The following TNRC6A variants were observed in gnomAD, a reference collection of about 807,000 sequenced individuals.
The protein encoded by TNRC6A is trinucleotide repeat-containing gene 6A protein.
A neutral mutation model predicts 221.2 loss-of-function variants in TNRC6A; 44 were observed. The ratio of observed to expected loss-of-function variants is 0.20; its 90% confidence interval spans 0.16 to 0.26. The LOEUF (loss-of-function observed/expected upper bound fraction) is 0.26. Among genes scored for constraint, TNRC6A ranks in the 10% least tolerant of loss-of-function variants. TNRC6A has a pLI of 1.00. For missense variants in TNRC6A, 2,199 were observed against 2,404.4 expected (o/e 0.91, Z 1.79); for synonymous variants, 847 against 838.5 (o/e 1.01, Z -0.18).
At chr16:24,792,325 C>T (rs2058120242) in intron 6 of TNRC6A, among the ~76,000 whole-genome samples, 1 of 152,024 alleles carries the variant, frequency 6.6e-6, no homozygotes, top group Non-Finnish European at 1.5e-5. Flanking sequence ...TCCTTACTTT[C>T]CTCTCTAATA....
intron 1 of TNRC6A, among the ~76,000 whole-genome samples, chr16:24,619,707 C>T (rs981341423): frequency 2.0e-5 from 3 of 152,070 alleles, no homozygotes; most frequent in Admixed American, 1.3e-4. Flanking sequence ...AGGAGAGGAA[C>T]GTCAGAGAAT....
At chr16:24,697,875 A>C (rs1005542509) in intron 2 of TNRC6A, among the ~76,000 whole-genome samples, 2 of 152,012 alleles carry the variant, frequency 1.3e-5, no homozygotes, top group African/African-American at 2.4e-5. Flanking sequence ...CCCTGTCTCT[A>C]TTAAAAATAC....
chr16:24,791,670 G>A lies in TNRC6A; in HGVS notation c.3028G>A (p.Asp1010Asn). 1 of 1,613,716 alleles carries A rather than the reference G, an allele frequency of 6.2e-7. No homozygotes were observed. The highest frequency in any genetic ancestry group is 8.5e-7 in the Non-Finnish European group (1 of 1,179,914). ...TGATGATGGAACTTCAGCTTGGGGA[G>A]ATCCAAGCAAATACAACTACAAAAA... Reference protein sequence around the residue: ...EIDDGTSAWGDPSKYNYKNVN... With the variant: ...EIDDGTSAWGNPSKYNYKNVN... The change falls in exon 6 of 25, where the codon GAT (aspartate) becomes AAT (asparagine). Residue 1010 changes from aspartate to asparagine, a missense_variant. Around this residue, in one of 8 missense-constraint regions of TNRC6A, gnomAD observed 1,405 missense variants for 1,400.2 expected, o/e 1.00. Transcript: ENST00000395799.
chr16:24,729,688 C>CGGCGGCGGCGGT lies in TNRC6A; in HGVS notation c.-143_-142insTGGCGGCGGCGG, dbSNP rs1567395409. 4.2e-6 allele frequency: 2 copies of CGGCGGCGGCGGT among 478,786 alleles called. No individual in the cohort carries two copies. Among genetic ancestry groups the CGGCGGCGGCGGT allele is most frequent in the Non-Finnish European group, 5.3e-6 (2 of 378,988 alleles). 29.7% of individuals were successfully genotyped at this position (478,786 alleles called of 1,614,324 possible). A position where few individuals can be genotyped will look rare whatever the true frequency, so the allele number is the denominator to read the frequency against. On this transcript the variant is annotated 5_prime_UTR_variant, in exon 1 of 25. Transcript: ENST00000395799. ...GGGCCTGCGGCGGCGGCGGTGTCGG[C>CGGCGGCGGCGGT]GGCGGCGGCGGCGGCGGCGGCGGCG...
At position 24,729,684 on chromosome 16, in the gene TNRC6A, T is replaced by TCGGTGTCGTCGGCGG; in HGVS notation, c.-155_-154insTGTCGTCGGCGGCGG. On this transcript the variant is annotated 5_prime_UTR_variant, in exon 1 of 25. Coordinates refer to ENST00000395799, the MANE Select transcript of TNRC6A (RefSeq NM_014494.4). ...TCTGGGGCCTGCGGCGGCGGCGGTG[T>TCGGTGTCGTCGGCGG]CGGCGGCGGCGGCGGCGGCGGCGGC... The TCGGTGTCGTCGGCGG allele has an allele frequency of 1.6e-6, 1 of 629,590 alleles. No homozygotes were observed. Among genetic ancestry groups the TCGGTGTCGTCGGCGG allele is most frequent in the Non-Finnish European group, 2.3e-6 (1 of 441,134 alleles). 39.0% of individuals were successfully genotyped at this position (629,590 alleles called of 1,614,324 possible).
upstream of TNRC6A, among the ~76,000 whole-genome samples, chr16:24,726,454 G>GGGA (rs1297919322): frequency 3.1e-4 from 47 of 152,144 alleles, 1 homozygote; most frequent in East Asian, 9.1e-3. Flanking sequence ...TTAAGAAGGA[G>GGGA]GGAGAGTTAG....
chr16:24,654,796 T>A (rs1014224876), intron 2 of TNRC6A, among the ~76,000 whole-genome samples: 1 of 152,056 alleles, frequency 6.6e-6, no homozygotes, highest in Non-Finnish European at 1.5e-5. Context: ...TAAAGTAAAT[T>A]TCAGTAATTT....
intron 18 of TNRC6A, among the ~76,000 whole-genome samples, chr16:24,810,695 A>G (rs569512418): frequency 3.3e-5 from 5 of 152,194 alleles, no homozygotes; most frequent in African/African-American, 1.2e-4. Flanking sequence ...TGCAAATGAC[A>G]GAAAAGAGGT....
chr16:24,786,624 A>T (rs572727666), intron 5 of TNRC6A, among the ~76,000 whole-genome samples: 13 of 152,042 alleles, frequency 8.6e-5, no homozygotes, highest in Non-Finnish European at 1.5e-4. Context: ...AGTACAGAGT[A>T]CTTTTAATAA....
chr16:24,695,142 C>G lies in TNRC6A; in HGVS notation n.402+54133C>G, dbSNP rs112985843. Among the ~76,000 whole-genome samples the G allele has an allele frequency of 7.2e-5, 11 of 152,240 alleles. 1 individual carries two copies. The highest frequency in any genetic ancestry group is 2.4e-4 in the African/African-American group (10 of 41,552). ...TCACGAGCACCATCTCATTTAACCC[C>G]ATAATAAAGGCATTTCTGTTTTCCT... On this transcript the variant is annotated intron_variant and non_coding_transcript_variant, in intron 2 of 2. Coordinates refer to the TNRC6A transcript ENST00000566108.
At chr16:24,794,854 T>A in intron 8 of TNRC6A, 135 bp downstream of exon 8, 1 of 656,680 alleles carries the variant, frequency 1.5e-6, no homozygotes, top group Non-Finnish European at 2.4e-6. Flanking sequence ...TATAGCCACT[T>A]GTATGGGCAG....
intron 2 of TNRC6A, among the ~76,000 whole-genome samples, chr16:24,646,082 G>A (rs1286924504): frequency 6.6e-6 from 1 of 151,928 alleles, no homozygotes; most frequent in Non-Finnish European, 1.5e-5. Flanking sequence ...CTATTGATTT[G>A]TATTATGAAA....
upstream of TNRC6A, among the ~76,000 whole-genome samples, chr16:24,726,034 G>A (rs1488571527): frequency 1.3e-5 from 2 of 151,590 alleles, no homozygotes; most frequent in Non-Finnish European, 2.9e-5. Flanking sequence ...TGCCTTGCTA[G>A]ACTTCATCCA....
At chr16:24,670,649 C>T (rs1567342222) in intron 2 of TNRC6A, among the ~76,000 whole-genome samples, 1 of 152,160 alleles carries the variant, frequency 6.6e-6, no homozygotes, top group Non-Finnish European at 1.5e-5. Flanking sequence ...CACCTGTGCC[C>T]TGCCCAGCCT....
intron 2 of TNRC6A, among the ~76,000 whole-genome samples, chr16:24,643,963 C>A (rs572033002): frequency 6.6e-6 from 1 of 152,062 alleles, no homozygotes; most frequent in African/African-American, 2.4e-5. Flanking sequence ...ACTTAGACAG[C>A]CCTCTTGTCA....
At chr16:24,682,476 C>T in intron 2 of TNRC6A, among the ~76,000 whole-genome samples, 1 of 151,056 alleles carries the variant, frequency 6.6e-6, no homozygotes, top group Non-Finnish European at 1.5e-5. Context: ...GGTCTGCCTG[C>T]CTCGGCCTCC....
At chr16:24,704,285 G>C (rs910348654) in intron 2 of TNRC6A, among the ~76,000 whole-genome samples, 9 of 151,816 alleles carry the variant, frequency 5.9e-5, no homozygotes, top group South Asian at 2.1e-4. Flanking sequence ...AGAGACTGGT[G>C]GGGGGCGGGA....
intron 2 of TNRC6A, among the ~76,000 whole-genome samples, chr16:24,746,981 G>A (rs549562457): frequency 4.6e-5 from 7 of 152,204 alleles, no homozygotes; most frequent in East Asian, 1.9e-4. Context: ...CACCATACCC[G>A]GCCAGAAACG....
intron 1 of TNRC6A, among the ~76,000 whole-genome samples, chr16:24,631,964 T>A (rs994928811): frequency 6.6e-6 from 1 of 151,606 alleles, no homozygotes; most frequent in African/African-American, 2.4e-5. Flanking sequence ...GCTCAAGGGA[T>A]CCTCCTATCT....
Sources: gnomAD v4.1 joint callset for allele counts (sites outside exome capture counted in the v4.1 genomes callset) on GRCh38, gnomAD v4.1.1 for gene constraint, gnomAD v4.1.1 regional missense constraint, MANE v1.5 for transcripts, NCBI Gene and HGNC (gene_info 2026-07-23, HGNC 2026-07-21) for gene names.